The following PIK3C2G variants were observed in gnomAD, a reference collection of about 807,000 sequenced individuals.
PIK3C2G encodes the protein phosphatidylinositol-4-phosphate 3-kinase catalytic subunit type 2 gamma.
PIK3C2G carries 168 observed loss-of-function variants against 181.1 expected under a neutral mutation model. That is an observed-to-expected ratio of 0.93 (90% CI 0.82 to 1.05). The LOEUF is 1.05. PIK3C2G is among the 50% of genes least tolerant of loss of function. The pLI, the probability that PIK3C2G is intolerant of heterozygous loss-of-function variation, is 0.00. For missense variants in PIK3C2G, 1,869 were observed against 1,732.8 expected (o/e 1.08, Z -1.40); for synonymous variants, 573 against 592.2 (o/e 0.97, Z 0.47).
chr12:18,599,192 T>C (rs1947555964), intron 30 of PIK3C2G, among the ~76,000 whole-genome samples: 1 of 152,206 alleles, frequency 6.6e-6, no homozygotes, highest in East Asian at 1.9e-4. Flanking sequence ...TAAAGACACA[T>C]GCACACGTAT....
the PIK3C2G span, among the ~76,000 whole-genome samples, chr12:18,679,865 G>A: frequency 1.3e-5 from 2 of 151,958 alleles, no homozygotes; most frequent in Admixed American, 1.3e-4. Context: ...GTGCTGAGCT[G>A]TTGTGTAAGC....
intron 5 of PIK3C2G, among the ~76,000 whole-genome samples, chr12:18,306,171 G>C (rs555109647): frequency 6.6e-6 from 1 of 152,056 alleles, no homozygotes; most frequent in East Asian, 1.9e-4. Flanking sequence ...GAGGCATTAG[G>C]GATAGTTGCC....
chr12:18,402,996 C>A (rs779453036), intron 16 of PIK3C2G, among the ~76,000 whole-genome samples: 1 of 152,106 alleles, frequency 6.6e-6, no homozygotes, highest in East Asian at 1.9e-4. Flanking sequence ...AAGTTGAAAA[C>A]CTGGGAATCA....
intron 18 of PIK3C2G, among the ~76,000 whole-genome samples, chr12:18,473,242 A>G (rs1304023905): frequency 1.3e-5 from 2 of 152,204 alleles, no homozygotes; most frequent in Non-Finnish European, 2.9e-5. Context: ...AGATCTTTCC[A>G]GAGTCCAGGT....
intron 18 of PIK3C2G, among the ~76,000 whole-genome samples, chr12:18,480,469 A>G (rs1939445530): frequency 6.6e-6 from 1 of 152,142 alleles, no homozygotes; most frequent in Non-Finnish European, 1.5e-5. Context: ...GTGTTAACAT[A>G]TGAGTAGGCT....
At chr12:18,530,346 A>G (rs1349489614) in intron 24 of PIK3C2G, among the ~76,000 whole-genome samples, 1 of 152,160 alleles carries the variant, frequency 6.6e-6, no homozygotes, top group South Asian at 2.1e-4. Context: ...TGTACTATCA[A>G]TAATTCATTT....
At chr12:18,701,643 TC>T in the PIK3C2G span, 1 of 1,357,182 alleles carries the variant, frequency 7.4e-7, no homozygotes, top group East Asian at 2.5e-5. Context: ...CTCCTCCTCC[TC>T]CTCCTCCTCT....
At chr12:18,660,127 T>G in the PIK3C2G span, among the ~76,000 whole-genome samples, 58,091 of 152,004 alleles carry the variant, frequency 0.38, 13,805 homozygotes, top group South Asian at 0.59. Flanking sequence ...ACTGAAGGCT[T>G]GCTTGCACCT....
At chr12:18,290,579 T>C (rs1949647938) in intron 3 of PIK3C2G, among the ~76,000 whole-genome samples, 1 of 152,196 alleles carries the variant, frequency 6.6e-6, no homozygotes, top group African/African-American at 2.4e-5. Context: ...CGTTTCATGT[T>C]ATGACAATGA....
At chr12:18,448,386 T>C (rs1297302222) in intron 18 of PIK3C2G, among the ~76,000 whole-genome samples, 1 of 152,170 alleles carries the variant, frequency 6.6e-6, no homozygotes, top group African/African-American at 2.4e-5. Flanking sequence ...TCTCACATAG[T>C]TATGGTCCAT....
chr12:18,664,880 C>A, the PIK3C2G span, among the ~76,000 whole-genome samples: 4 of 150,934 alleles, frequency 2.7e-5, no homozygotes, highest in Non-Finnish European at 5.9e-5. Flanking sequence ...AATTGGAAAT[C>A]ATCATTCTCA....
the PIK3C2G span, among the ~76,000 whole-genome samples, chr12:18,688,959 A>C: frequency 6.6e-6 from 1 of 152,062 alleles, no homozygotes; most frequent in Non-Finnish European, 1.5e-5. Flanking sequence ...TAAAGGAATA[A>C]AGAAAGGAAA....
chr12:18,314,872 T>C (rs1950794571), intron 6 of PIK3C2G, among the ~76,000 whole-genome samples: 1 of 152,168 alleles, frequency 6.6e-6, no homozygotes, highest in African/African-American at 2.4e-5. Flanking sequence ...CAGCTTAAAT[T>C]AGGACAGATA....
chr12:18,611,656 A>G (rs1948344952), intron 31 of PIK3C2G, among the ~76,000 whole-genome samples: 2 of 152,046 alleles, frequency 1.3e-5, no homozygotes, highest in Admixed American at 1.3e-4. Context: ...ATCGTTTGCC[A>G]CCTTTTTCAT....
At chr12:18,519,964 C>G (rs1230707959) in intron 24 of PIK3C2G, among the ~76,000 whole-genome samples, 1 of 148,986 alleles carries the variant, frequency 6.7e-6, no homozygotes, top group Admixed American at 6.7e-5. Flanking sequence ...TGCCACATCC[C>G]CCTCTCCAAG....
chr12:18,566,726 T>C (rs1945655309), intron 28 of PIK3C2G, among the ~76,000 whole-genome samples: 1 of 152,148 alleles, frequency 6.6e-6, no homozygotes, highest in South Asian at 2.1e-4. Context: ...ATTTAATGTG[T>C]CAAATTAAAT....
chr12:18,691,423 T>G, the PIK3C2G span, among the ~76,000 whole-genome samples: 1,863 of 152,230 alleles, frequency 0.012, 44 homozygotes, highest in African/African-American at 0.042. Context: ...GCATTGTTGG[T>G]GGTGAAACTA....
intron 22 of PIK3C2G, among the ~76,000 whole-genome samples, chr12:18,499,750 T>G (rs895041816): frequency 6.6e-6 from 1 of 152,212 alleles, no homozygotes; most frequent in Non-Finnish European, 1.5e-5. Flanking sequence ...CACCCTTGTC[T>G]GAAAGACACC....
At chr12:18,578,225 TTACAGTCTG>T (rs1175637878) in intron 29 of PIK3C2G, among the ~76,000 whole-genome samples, 7 of 152,204 alleles carry the variant, frequency 4.6e-5, no homozygotes, top group Non-Finnish European at 7.3e-5. Context: ...CATGAGAAGC[TTACAGTCTG>T]TGTCTATATT....
Sources: allele counts gnomAD v4.1 joint callset (sites outside exome capture counted in the v4.1 genomes callset), GRCh38; gene constraint gnomAD v4.1.1; transcripts MANE v1.5; gene names NCBI Gene and HGNC (gene_info 2026-07-23, HGNC 2026-07-21).